Variants in RALGPS1 observed in about 807,000 individuals in gnomAD.
The protein encoded by RALGPS1 is Ral GEF with PH domain and SH3 binding motif 1.
In RALGPS1, 19 loss-of-function variants were observed where a neutral mutation model predicts 78.8. The ratio of observed to expected loss-of-function variants is 0.24; its 90% CI spans 0.17 to 0.35. The LOEUF (loss-of-function observed/expected upper bound fraction) is 0.35, where lower values mean the gene tolerates loss of function less well. Among genes scored for constraint, RALGPS1 ranks in the 10% least tolerant of loss-of-function variants. The pLI, the probability that RALGPS1 is intolerant of heterozygous loss-of-function variation, is 1.00. For synonymous variants in RALGPS1, 228 were observed against 256.3 expected (o/e 0.89, Z 1.06); for missense variants, 454 against 688.3 (o/e 0.66, Z 3.81).
At chr9:127,016,214 C>G (rs183049204) in intron 4 of RALGPS1, among the ~76,000 whole-genome samples, 5 of 152,278 alleles carry the variant, frequency 3.3e-5, no homozygotes, top group African/African-American at 1.2e-4. Context: ...CTGACTGTCT[C>G]TCTCGGACTC....
intron 1 of RALGPS1, among the ~76,000 whole-genome samples, chr9:126,932,083 A>G (rs1386086686): frequency 2.0e-5 from 3 of 152,122 alleles, no homozygotes; most frequent in Admixed American, 2.0e-4. Flanking sequence ...TTTGGAAACC[A>G]TAGCATATTT....
At chr9:127,001,085 C>CAACAAAACAA (rs1564395429) in intron 4 of RALGPS1, among the ~76,000 whole-genome samples, 2 of 119,022 alleles carry the variant, frequency 1.7e-5, no homozygotes, top group African/African-American at 6.7e-5. Flanking sequence ...GACTCTGTCT[C>CAACAAAACAA]TACAAAACAA....
At chr9:127,128,539 C>G (rs559735812) in intron 8 of RALGPS1, among the ~76,000 whole-genome samples, 82 of 152,360 alleles carry the variant, frequency 5.4e-4, no homozygotes, top group Non-Finnish European at 1.0e-3. Flanking sequence ...AGAGCCCCTC[C>G]TCTCCTGGTC....
chr9:126,976,340 TAC>T (rs2040629522), intron 3 of RALGPS1, among the ~76,000 whole-genome samples: 1 of 149,902 alleles, frequency 6.7e-6, no homozygotes, highest in Non-Finnish European at 1.5e-5. Flanking sequence ...CACTTTCATA[TAC>T]ACGCACACAC....
rs1293398299 is a variant in RALGPS1, at chr9:127,122,644, A to C, written c.611-43425A>C. The C allele has an allele frequency of 6.6e-6, 1 of 152,542 alleles. No homozygotes were observed. Among genetic ancestry groups the C allele is most frequent in the East Asian group, 1.9e-4 (1 of 5,196 alleles). 9.4% of individuals were successfully genotyped at this position (152,542 alleles called of 1,614,324 possible). Reference sequence around the variant, plus strand: ...CGCAGCAGCCTCATTTGAACTCCCAACTCCTTTGTGGAGCCTTTACATGCC... The same window carrying C: ...CGCAGCAGCCTCATTTGAACTCCCACCTCCTTTGTGGAGCCTTTACATGCC... On this transcript the variant is annotated intron_variant, in intron 8 of 18. Coordinates refer to ENST00000259351, the MANE Select transcript of RALGPS1 (RefSeq NM_014636.3). The surrounding 1 kb of genome is among the most constrained non-coding windows in gnomAD (Gnocchi z 6.4).
At chr9:127,068,224 T>C (rs1169393417) in intron 7 of RALGPS1, among the ~76,000 whole-genome samples, 1 of 152,206 alleles carries the variant, frequency 6.6e-6, no homozygotes, top group East Asian at 1.9e-4. Flanking sequence ...AGTGTAAATA[T>C]GACACAGTTG....
rs751476494 is a variant in RALGPS1, at chr9:127,094,828, C to T, written c.610+25472C>T. ...GGTTCTGTGATTCTTTGTGACTGCA[C>T]TGAGCTTGGGCAGCCCAGTCAGAAG... On this transcript the variant is annotated intron_variant, in intron 8 of 18. Coordinates refer to ENST00000259351, the MANE Select transcript of RALGPS1 (RefSeq NM_014636.3). 2.7e-4 allele frequency among the ~76,000 whole-genome samples: 41 copies of T among 152,212 alleles called. 1 individual carries two copies. Among genetic ancestry groups the T allele is most frequent in the Non-Finnish European group, 2.4e-4 (16 of 68,040 alleles).
chr9:126,936,915 C>T (rs1484058271), intron 1 of RALGPS1, among the ~76,000 whole-genome samples: 3 of 150,548 alleles, frequency 2.0e-5, no homozygotes, highest in Non-Finnish European at 4.4e-5. Flanking sequence ...TGGCATGATA[C>T]TGTCTCACGA....
At position 127,091,276 on chromosome 9, in the gene RALGPS1, G is replaced by A. The variant is rs193163784; in HGVS notation, c.610+21920G>A. Among the ~76,000 whole-genome samples, 16 of 152,370 alleles carry A rather than the reference G, an allele frequency of 1.1e-4. No individual in the cohort carries two copies. The East Asian group carries it at 3.1e-3, about 29-fold the overall frequency. On this transcript the variant is annotated intron_variant, in intron 8 of 18. Transcript: ENST00000259351. This position sits in a 1 kb window ranked among gnomAD's most constrained non-coding sequence, Gnocchi z 4.3. ...ACATGGCTGGTAGGAGGTGGGGCCA[G>A]CACTGGAGCCCAGGTGTGTGGCCCA...
chr9:127,130,873 T>C (rs1244725963), intron 8 of RALGPS1, among the ~76,000 whole-genome samples: 2 of 152,256 alleles, frequency 1.3e-5, no homozygotes, highest in Non-Finnish European at 2.9e-5. Context: ...GCCTATGTGA[T>C]GGAGAAGGCT....
At chr9:127,141,030 G>A (rs1418883051) in intron 8 of RALGPS1, among the ~76,000 whole-genome samples, 1 of 152,202 alleles carries the variant, frequency 6.6e-6, no homozygotes, top group Non-Finnish European at 1.5e-5. Flanking sequence ...GGCACCAAAG[G>A]GAGTAGGAGA....
At chr9:127,206,428 A>T (rs1296477960) in intron 14 of RALGPS1, among the ~76,000 whole-genome samples, 4 of 152,212 alleles carry the variant, frequency 2.6e-5, no homozygotes, top group Admixed American at 2.6e-4. Context: ...GTTCTTCTTC[A>T]TATGGTGGTA....
At chr9:127,060,544 A>G (rs766371623) in intron 7 of RALGPS1, among the ~76,000 whole-genome samples, 18 of 151,546 alleles carry the variant, frequency 1.2e-4, no homozygotes, top group East Asian at 3.9e-4. Context: ...TGTTGTTGTT[A>G]TTAATATTTT....
intron 4 of RALGPS1, among the ~76,000 whole-genome samples, chr9:126,986,507 G>A (rs961794233): frequency 3.3e-5 from 5 of 152,060 alleles, no homozygotes; most frequent in Non-Finnish European, 5.9e-5. Flanking sequence ...CTTCTAAAAG[G>A]GTATGTTTTC....
In RALGPS1 at chr9:127,221,149, C is replaced by T. The variant is rs1168761968; in HGVS notation, c.*2380C>T. On this transcript the variant is annotated 3_prime_UTR_variant, in exon 19 of 19. Coordinates refer to ENST00000259351, the MANE Select transcript of RALGPS1 (RefSeq NM_014636.3). ...TCAGCTCTCTAAGCAGGGGCTCGGC[C>T]AAACATGGGAGTTAAGTGCTGCTTG... The T allele has an allele frequency of 6.6e-6, 1 of 152,192 alleles. No individual in the cohort carries two copies. Among genetic ancestry groups the T allele is most frequent in the Admixed American group, 6.5e-5 (1 of 15,282 alleles). The allele number at this position is 152,192 out of a possible 1,614,324, so 9.4% of individuals were successfully genotyped here. A position where few individuals can be genotyped will look rare whatever the true frequency, so the allele number is the denominator to read the frequency against.
chr9:126,923,392 G>T (rs1306472520), intron 1 of RALGPS1, among the ~76,000 whole-genome samples: 1 of 152,178 alleles, frequency 6.6e-6, no homozygotes, highest in African/African-American at 2.4e-5. Context: ...GCCTCAAGGT[G>T]TGGCTTCTGA....
At chr9:127,177,901 G>A (rs1290952200) in intron 11 of RALGPS1, 14 of 1,549,370 alleles carry the variant, frequency 9.0e-6, no homozygotes, top group Non-Finnish European at 6.1e-6. Flanking sequence ...TATTAGCCAT[G>A]TGAGACCAGA....
At chr9:126,986,290 C>T (rs565583759) in intron 4 of RALGPS1, among the ~76,000 whole-genome samples, 1 of 152,168 alleles carries the variant, frequency 6.6e-6, no homozygotes, top group East Asian at 1.9e-4. Context: ...CCAAGTTTAT[C>T]AAAAATTGGT....
intron 8 of RALGPS1, among the ~76,000 whole-genome samples, chr9:127,102,235 T>G (rs1164186505): frequency 1.3e-5 from 2 of 151,516 alleles, no homozygotes; most frequent in Non-Finnish European, 2.9e-5. Flanking sequence ...GGGTAATTTA[T>G]AAAGAAAGGA....
Sources: allele counts gnomAD v4.1 joint callset (sites outside exome capture counted in the v4.1 genomes callset), GRCh38; gene constraint gnomAD v4.1.1; non-coding constraint Gnocchi (gnomAD v3.1); transcripts MANE v1.5; gene names NCBI Gene and HGNC (gene_info 2026-07-23, HGNC 2026-07-21).